The following GPHN variants were observed in gnomAD, a reference collection of about 807,000 sequenced individuals.
GPHN encodes gephyrin.
In GPHN, 17 loss-of-function variants were observed where a neutral mutation model predicts 95.5. That is an observed-to-expected ratio of 0.18 (90% CI 0.12 to 0.27). GPHN has a LOEUF of 0.27. GPHN is among the 10% of genes least tolerant of loss of function. The pLI, the probability that GPHN is intolerant of heterozygous loss-of-function variation, is 1.00. For missense variants in GPHN, 660 were observed against 978.1 expected, an observed-to-expected ratio of 0.67 and a Z score of 4.34; for synonymous variants, 320 against 322.5, an observed-to-expected ratio of 0.99 and a Z score of 0.08.
At chr14:67,568,123 A>T in the GPHN span, among the ~76,000 whole-genome samples, 1 of 151,894 alleles carries the variant, frequency 6.6e-6, no homozygotes, top group Non-Finnish European at 1.5e-5. Flanking sequence ...CTGCAGGGGA[A>T]AAAACGTGCC....
chr14:66,883,244 A>G (rs970883874), intron 5 of GPHN, among the ~76,000 whole-genome samples: 3 of 151,838 alleles, frequency 2.0e-5, no homozygotes, highest in South Asian at 2.1e-4. Context: ...GGTTATTTCT[A>G]TGATCTATCT....
At chr14:66,943,349 C>T (rs890703613) in intron 8 of GPHN, among the ~76,000 whole-genome samples, 3 of 151,940 alleles carry the variant, frequency 2.0e-5, no homozygotes, top group Non-Finnish European at 4.4e-5. Context: ...TAATGTAAAA[C>T]CTGATAAGTT....
chr14:66,760,544 A>T (rs1243313847), intron 2 of GPHN: 10 of 283,338 alleles, frequency 3.5e-5, no homozygotes, highest in Non-Finnish European at 5.0e-5. Context: ...GCATATCGAG[A>T]AGTGTTATTT....
chr14:67,701,024 C>CAAAAAA, the GPHN span, among the ~76,000 whole-genome samples: 4 of 67,416 alleles, frequency 5.9e-5, no homozygotes, highest in South Asian at 6.0e-4. Flanking sequence ...AATTTCATCT[C>CAAAAAA]AAAAAAAAAA....
At chr14:67,720,546 G>T in the GPHN span, among the ~76,000 whole-genome samples, 1 of 152,156 alleles carries the variant, frequency 6.6e-6, no homozygotes, top group East Asian at 1.9e-4. Flanking sequence ...GGATACCTAG[G>T]TGCCACAATA....
At chr14:67,156,069 C>G (rs1266735963) in intron 18 of GPHN, among the ~76,000 whole-genome samples, 1 of 151,940 alleles carries the variant, frequency 6.6e-6, no homozygotes, top group African/African-American at 2.4e-5. Context: ...AAAAACTGTG[C>G]GGACCTAGAC....
At chr14:66,801,746 G>A (rs1271838330) in intron 3 of GPHN, among the ~76,000 whole-genome samples, 3 of 147,354 alleles carry the variant, frequency 2.0e-5, no homozygotes, top group East Asian at 4.1e-4. Context: ...ACAATATTGG[G>A]TCTTGCTCAA....
chr14:67,703,744 C>T, the GPHN span, among the ~76,000 whole-genome samples: 2 of 152,090 alleles, frequency 1.3e-5, no homozygotes, highest in Admixed American at 6.6e-5. Context: ...GGCATGATCA[C>T]AGCTCATTGC....
At chr14:67,654,430 C>T in the GPHN span, among the ~76,000 whole-genome samples, 484 of 152,224 alleles carry the variant, frequency 3.2e-3, 17 homozygotes, top group East Asian at 0.081. Context: ...GGTGTAAGCC[C>T]GGCCTCCTTG....
At chr14:67,721,268 G>T in the GPHN span, among the ~76,000 whole-genome samples, 1 of 152,116 alleles carries the variant, frequency 6.6e-6, no homozygotes, top group Non-Finnish European at 1.5e-5. Flanking sequence ...GCGAGGAAGG[G>T]CAATGAATCC....
At chr14:66,824,345 G>A (rs1401418745) in intron 3 of GPHN, 129 bp from the exon 4 acceptor site, 2 of 617,784 alleles carry the variant, frequency 3.2e-6, no homozygotes, top group African/African-American at 3.7e-5. Context: ...ATTGTGCTTA[G>A]AAATTTTCTT....
the GPHN span, among the ~76,000 whole-genome samples, chr14:67,207,728 A>AG: frequency 3.9e-5 from 6 of 152,034 alleles, no homozygotes; most frequent in East Asian, 1.9e-4. Flanking sequence ...AATTAGGAGG[A>AG]GGGGGGGATT....
the GPHN span, chr14:67,555,883 C>A: frequency 6.2e-7 from 1 of 1,613,518 alleles, no homozygotes; most frequent in Admixed American, 1.7e-5. Flanking sequence ...AACGCTGAGA[C>A]CCAGGTAACC....
In GPHN at chr14:66,924,215, C is replaced by T. The variant is rs751726828; in HGVS notation, c.751C>T (p.Pro251Ser). ...AAKKHPFYTS[P>S]AVVMAHGEQP... is the part of the protein sequence containing the mutation. ...TTAGAAGCATCCATTCTACACCAGTCCTGCTGTTGTCATGGCACACGGTGA... is the reference window on the plus strand; with the variant it reads ...TTAGAAGCATCCATTCTACACCAGTTCTGCTGTTGTCATGGCACACGGTGA... Residue 251 changes from proline (P) to serine (S), a missense_variant, in exon 8 of 23, where the codon CCT becomes TCT. Physicochemically the swap from Pro to Ser is moderately conservative, Grantham distance 74. Transcript: ENST00000478722. 10 of 1,603,768 alleles carry T rather than the reference C, an allele frequency of 6.2e-6. No homozygotes were observed. Among genetic ancestry groups the T allele is most frequent in the Middle Eastern group, 1.6e-4 (1 of 6,072 alleles).
chr14:67,096,529 C>T (rs1261835288), intron 12 of GPHN, among the ~76,000 whole-genome samples: 1 of 151,716 alleles, frequency 6.6e-6, no homozygotes, highest in Non-Finnish European at 1.5e-5. Flanking sequence ...ATTCTTTTAA[C>T]AAATATTTAT....
At chr14:67,713,395 TC>T in the GPHN span, among the ~76,000 whole-genome samples, 3 of 5,510 alleles carry the variant, frequency 5.4e-4, no homozygotes, top group Non-Finnish European at 9.7e-4. Flanking sequence ...CAAGTAAAAC[TC>T]CAAAAAAAAA....
chr14:67,483,016 T>C, the GPHN span, among the ~76,000 whole-genome samples: 25 of 152,102 alleles, frequency 1.6e-4, no homozygotes, highest in African/African-American at 6.0e-4. Context: ...TTTTTGTTTG[T>C]TTTTTGTTTT....
rs2066301252 is a variant in GPHN at position 66,923,059 on chromosome 14, T to C, written c.729+121T>C. On this transcript the variant is annotated intron_variant, in intron 7 of 22. Transcript: ENST00000478722. The stretch of plus-strand genomic sequence containing the variant: ...ACTTCTTCAGAGAACCCTAAAAAAA[T>C]AAGTGGGATGTCCATGACACTCCAC... The C allele has an allele frequency of 3.6e-6, 3 of 830,186 alleles. No individual in the cohort carries two copies. In the Admixed American group the frequency reaches 5.8e-5, roughly 16 times the overall value. The allele number at this position is 830,186 out of a possible 1,614,324, so 51.4% of individuals were successfully genotyped here. A position where few individuals can be genotyped will look rare whatever the true frequency, so the allele number is the denominator to read the frequency against.
chr14:66,718,172 G>C lies in GPHN; in HGVS notation c.143+36987G>C, dbSNP rs1283928755. On this transcript the variant is annotated intron_variant, in intron 2 of 22. Coordinates refer to ENST00000478722, the MANE Select transcript of GPHN (RefSeq NM_020806.5). ...TGGTCTCACTGACTTCAAGAATGAA[G>C]CTGTGGACCCTCGCAGTGAGTGTTA... Among the ~76,000 whole-genome samples, 6 of 152,166 alleles carry C rather than the reference G, an allele frequency of 3.9e-5. No homozygotes were observed. In the East Asian group the frequency reaches 1.2e-3, roughly 29 times the overall value.
Sources: gnomAD v4.1 joint callset for allele counts (sites outside exome capture counted in the v4.1 genomes callset) on GRCh38, gnomAD v4.1.1 for gene constraint, MANE v1.5 for transcripts, NCBI Gene and HGNC (gene_info 2026-07-23, HGNC 2026-07-21) for gene names.